LTBP2: variants seen among roughly 807,000 people sequenced by gnomAD.
LTBP2 encodes latent-transforming growth factor beta-binding protein 2.
Under a neutral mutation model 210.6 loss-of-function variants are expected in LTBP2, and 103 were observed. That is an observed-to-expected ratio of 0.49 (90% CI 0.42 to 0.58). The LOEUF (loss-of-function observed/expected upper bound fraction) is 0.58, where lower values mean the gene tolerates loss of function less well. Ranked by LOEUF, LTBP2 falls within the 20% of genes least tolerant of loss-of-function variation. The probability of loss-of-function intolerance (pLI) is 0.00; values close to 1 mark genes in which losing one functional copy is unlikely to be tolerated. For synonymous variants in LTBP2, 1,007 were observed against 1,015.0 expected (o/e 0.99, Z 0.15); for missense variants, 2,313 against 2,494.5 (o/e 0.93, Z 1.55).
At chr14:74,508,171 G>A in intron 24 of LTBP2, 76 bp from the exon 25 acceptor site, 1 of 1,549,054 alleles carries the variant, frequency 6.5e-7, no homozygotes, top group Non-Finnish European at 8.8e-7. Context: ...CTTCCTCTGG[G>A]CCCTGAGTAG....
chr14:74,501,153 G>GTT, intron 35 of LTBP2, 124 bp from the exon 36 acceptor site: 1 of 1,274,004 alleles, frequency 7.8e-7, no homozygotes. Context: ...ACAGCCAGAG[G>GTT]CTGAAGTCAC....
chr14:74,583,814 CTG>C (rs2088168446), intron 3 of LTBP2, among the ~76,000 whole-genome samples: 1 of 152,250 alleles, frequency 6.6e-6, no homozygotes, highest in Non-Finnish European at 1.5e-5. Context: ...AACACAGTCC[CTG>C]TGAGCTCCCG....
In LTBP2 at chr14:74,511,296, T is replaced by C. The variant is rs1305246705; in HGVS notation, c.2977A>G (p.Thr993Ala). The change falls in exon 19 of 36, where the codon ACT (threonine) becomes GCT (alanine). Residue 993 changes from threonine to alanine, a missense_variant. Physicochemically the swap from Thr to Ala is moderately conservative, Grantham distance 58. Around this residue, in one of 3 missense-constraint regions of LTBP2, gnomAD observed 1,867 missense variants for 1,976.9 expected, o/e 0.94. Transcript: ENST00000261978. ...GRCVNSPGSYTCLACEEGYRG... is the reference protein window; with the variant it reads ...GRCVNSPGSYACLACEEGYRG... Reference sequence around the variant, plus strand: ...TAGCCCTCCTCACAGGCCAGACAAGTGTAGGAGCCAGGGGAATTGACGCAT... The same window carrying C: ...TAGCCCTCCTCACAGGCCAGACAAGCGTAGGAGCCAGGGGAATTGACGCAT... 1 of 1,613,866 alleles carries C rather than the reference T, an allele frequency of 6.2e-7. No homozygotes were observed. Among genetic ancestry groups the C allele is most frequent in the Non-Finnish European group, 8.5e-7 (1 of 1,180,006 alleles).
At chr14:74,568,539 G>C (rs2087933986) in intron 3 of LTBP2, among the ~76,000 whole-genome samples, 1 of 152,114 alleles carries the variant, frequency 6.6e-6, no homozygotes, top group Non-Finnish European at 1.5e-5. Flanking sequence ...TGATTAAAGA[G>C]AAATAGGAGG....
chr14:74,505,096 C>A lies in LTBP2; in HGVS notation c.4256G>T (p.Gly1419Val). 6.2e-7 allele frequency: 1 copy of A among 1,614,078 alleles called. No individual in the cohort carries two copies. The highest frequency in any genetic ancestry group is 8.5e-7 in the Non-Finnish European group (1 of 1,180,034). ...TRMDCYSGQK[G>V]HAPCSSVLGR... ...CAGGACACTGGAGCAGGGCGCATGGCCCTTCTGCCCGGAGTAGCAGTCCAT... is the reference window on the plus strand; with the variant it reads ...CAGGACACTGGAGCAGGGCGCATGGACCTTCTGCCCGGAGTAGCAGTCCAT... The change falls in exon 29 of 36, where the codon GGC (glycine) becomes GTC (valine). Residue 1419 changes from glycine (G) to valine (V), a missense_variant. By Grantham distance (109) the Gly-to-Val change is moderately radical (BLOSUM62 -3). Around this residue, in one of 3 missense-constraint regions of LTBP2, gnomAD observed 1,867 missense variants for 1,976.9 expected, o/e 0.94. Transcript: ENST00000261978.
chr14:74,565,270 G>C (rs2196864), intron 3 of LTBP2, among the ~76,000 whole-genome samples: 56,091 of 152,124 alleles, frequency 0.37, 12,496 homozygotes, highest in Non-Finnish European at 0.51. Flanking sequence ...TGAGGGGGCA[G>C]AGGGGAAGCC....
chr14:74,564,338 T>A (rs746829501), intron 3 of LTBP2, among the ~76,000 whole-genome samples: 2 of 8,266 alleles, frequency 2.4e-4, no homozygotes, highest in African/African-American at 6.1e-4. Flanking sequence ...TATTTATATA[T>A]ATATATTTAT....
chr14:74,578,506 A>G (rs1566647148), intron 3 of LTBP2, among the ~76,000 whole-genome samples: 1 of 152,082 alleles, frequency 6.6e-6, no homozygotes, highest in African/African-American at 2.4e-5. Context: ...CTCCCCTGAC[A>G]CACACACTGG....
At position 74,553,378 on chromosome 14, in the gene LTBP2, T is replaced by C. The variant is rs116639741; in HGVS notation, c.1022-316A>G. Among the ~76,000 whole-genome samples the C allele has an allele frequency of 9.8e-3, 1,498 of 152,300 alleles. 25 individuals carry two copies. Among genetic ancestry groups the C allele is most frequent in the African/African-American group, 0.035 (1,438 of 41,544 alleles). On this transcript the variant is annotated intron_variant, in intron 4 of 35. Transcript: ENST00000261978. ...GTTGGTATTTTTCATATATCCAACC[T>C]ACTGTGTCCATTTTACAGCTAAGAA...
chr14:74,533,015 C>T (rs546816495), intron 9 of LTBP2, among the ~76,000 whole-genome samples: 1 of 152,192 alleles, frequency 6.6e-6, no homozygotes, highest in South Asian at 2.1e-4. Flanking sequence ...AATTTTTGTA[C>T]TGTATTTTTT....
At chr14:74,527,722 T>C (rs1032806337) in intron 12 of LTBP2, among the ~76,000 whole-genome samples, 4 of 152,220 alleles carry the variant, frequency 2.6e-5, no homozygotes, top group Non-Finnish European at 4.4e-5. Context: ...CACTGCTACC[T>C]CCTCCCTCCC....
intron 17 of LTBP2, among the ~76,000 whole-genome samples, chr14:74,518,425 A>C (rs2087161952): frequency 6.6e-6 from 1 of 152,032 alleles, no homozygotes; most frequent in Non-Finnish European, 1.5e-5. Flanking sequence ...GCCTAACCTC[A>C]GGACCTGTTC....
intron 3 of LTBP2, among the ~76,000 whole-genome samples, chr14:74,559,320 T>C (rs956955672): frequency 6.6e-6 from 1 of 152,176 alleles, no homozygotes; most frequent in Admixed American, 6.5e-5. Flanking sequence ...GCCTAATTCA[T>C]TGTCACCTAC....
At chr14:74,501,615 G>C in intron 34 of LTBP2, 25 bp from the exon 35 acceptor site, 1 of 1,613,548 alleles carries the variant, frequency 6.2e-7, no homozygotes. Flanking sequence ...TCGGAGAGAG[G>C]AGGAGGCTGA....
chr14:74,589,144 A>C (rs2088248222), intron 2 of LTBP2, among the ~76,000 whole-genome samples: 1 of 152,246 alleles, frequency 6.6e-6, no homozygotes, highest in African/African-American at 2.4e-5. Flanking sequence ...ATAATGATGG[A>C]GGATGTACGT....
intron 31 of LTBP2, 100 bp from the exon 32 acceptor site, chr14:74,503,706 G>A: frequency 6.6e-7 from 1 of 1,517,544 alleles, no homozygotes; most frequent in Non-Finnish European, 8.9e-7. Flanking sequence ...AAGAGTTAGT[G>A]CCCTGCCTCC....
intron 8 of LTBP2, among the ~76,000 whole-genome samples, chr14:74,545,783 T>C (rs1052140288): frequency 6.6e-6 from 1 of 152,186 alleles, no homozygotes; most frequent in African/African-American, 2.4e-5. Flanking sequence ...CTGGGACCCT[T>C]TGATAAATCC....
At chr14:74,522,128 T>A in intron 16 of LTBP2, 89 bp from the exon 17 acceptor site, 1 of 1,452,442 alleles carries the variant, frequency 6.9e-7, no homozygotes, top group Non-Finnish European at 9.5e-7. Context: ...CACTAGGGGC[T>A]GGGCAGGGGA....
Position 74,509,831 on chromosome 14 carries a change from T to G in LTBP2, c.3180A>C (p.Ser1060=). Reference sequence around the variant, plus strand: ...TGTTGAGGCAGAGGCCTGTGGGGCATGAGGCCCGGCTGGCACACTCATCCA... The same window carrying G: ...TGTTGAGGCAGAGGCCTGTGGGGCAGGAGGCCCGGCTGGCACACTCATCCA... ...QDVDECASRA[S]CPTGLCLNTE... is the part of the protein sequence containing the mutation. The change falls in exon 21 of 36, where the codon TCA becomes TCC. Residue 1060 remains serine (S), a synonymous_variant. Coordinates refer to ENST00000261978, the MANE Select transcript of LTBP2 (RefSeq NM_000428.3). 1 of 1,613,946 alleles carries G rather than the reference T, an allele frequency of 6.2e-7. No individual in the cohort carries two copies. Among genetic ancestry groups the G allele is most frequent in the Non-Finnish European group, 8.5e-7 (1 of 1,180,002 alleles).
Sources: gnomAD v4.1 joint callset for allele counts (sites outside exome capture counted in the v4.1 genomes callset) on GRCh38, gnomAD v4.1.1 for gene constraint, gnomAD v4.1.1 regional missense constraint, MANE v1.5 for transcripts, NCBI Gene and HGNC (gene_info 2026-07-23, HGNC 2026-07-21) for gene names.